The following COL18A1 variants were observed in gnomAD, a reference collection of about 807,000 sequenced individuals.
The protein encoded by COL18A1 is collagen alpha-1(XVIII) chain.
A neutral mutation model predicts 168.0 loss-of-function variants in COL18A1; 133 were observed. The ratio of observed to expected loss-of-function variants is 0.79; its 90% CI spans 0.69 to 0.91. The LOEUF (loss-of-function observed/expected upper bound fraction) is 0.91. COL18A1 is among the 40% of genes least tolerant of loss of function. The pLI, the probability that COL18A1 is intolerant of heterozygous loss-of-function variation, is 0.00. For synonymous variants in COL18A1, 949 were observed against 809.0 expected, an observed-to-expected ratio of 1.17 and a Z score of -2.94; for missense variants, 2,126 against 1,925.4, an observed-to-expected ratio of 1.10 and a Z score of -1.95.
At chr21:45,490,465 C>A in intron 20 of COL18A1, 119 bp downstream of exon 20, 1 of 871,826 alleles carries the variant, frequency 1.1e-6, no homozygotes, top group South Asian at 1.5e-5. Context: ...CATGTGCCCT[C>A]GTGGGTCCCT....
intron 41 of COL18A1, 56 bp from the exon 42 acceptor site, chr21:45,512,132 C>T: frequency 6.4e-7 from 1 of 1,561,960 alleles, no homozygotes; most frequent in Non-Finnish European, 8.7e-7. Context: ...GGGGAGCGGC[C>T]TCTGCCCTAA....
chr21:45,499,505 T>A (rs6518248), intron 32 of COL18A1, among the ~76,000 whole-genome samples: 3 of 42,578 alleles, frequency 7.0e-5, no homozygotes, highest in Admixed American at 4.8e-4. Flanking sequence ...CTCAGGAACC[T>A]GTGTGGGCTG....
At chr21:45,437,247 C>T (rs1288605936) in intron 2 of COL18A1, among the ~76,000 whole-genome samples, 1 of 56,094 alleles carries the variant, frequency 1.8e-5, no homozygotes, top group Non-Finnish European at 3.3e-5. Context: ...CTCTCCTGTA[C>T]ACACACACAC....
In COL18A1 at chr21:45,479,930, G is replaced by A. The variant is rs760195945; in HGVS notation, c.1277G>A (p.Gly426Glu). Residue 426 changes from glycine to glutamate, a missense_variant, in exon 10 of 42, where the codon GGG becomes GAG. By Grantham distance (98) the Gly-to-Glu change is moderately conservative. Transcript: ENST00000651438. ...PGDTGPQGFPGTPGDVGPKGD... is the reference protein window; with the variant it reads ...PGDTGPQGFPETPGDVGPKGD... Reference sequence around the variant, plus strand: ...GACACCGGGCCACAAGGCTTCCCCGGGACTCCAGGGGACGTAGGTCCCAAG... The same window carrying A: ...GACACCGGGCCACAAGGCTTCCCCGAGACTCCAGGGGACGTAGGTCCCAAG... 6.2e-7 allele frequency: 1 copy of A among 1,613,828 alleles called. No homozygotes were observed. The highest frequency in any genetic ancestry group is 8.5e-7 in the Non-Finnish European group (1 of 1,179,956).
At chr21:45,493,087 CGGG>C in intron 24 of COL18A1, 73 bp from the exon 25 acceptor site, 3 of 1,412,978 alleles carry the variant, frequency 2.1e-6, no homozygotes, top group South Asian at 2.5e-5. Context: ...GGGCAGCTGT[CGGG>C]GGAGATGGAG....
chr21:45,439,961 G>A (rs2034324114), intron 2 of COL18A1, among the ~76,000 whole-genome samples: 1 of 152,238 alleles, frequency 6.6e-6, no homozygotes, highest in African/African-American at 2.4e-5. Context: ...GAAATCTCGG[G>A]CTGCGCGCTG....
chr21:45,511,079 C>CCA (rs752924412), intron 40 of COL18A1, 32 bp from the exon 41 acceptor site: 69 of 1,034,784 alleles, frequency 6.7e-5, no homozygotes, highest in South Asian at 1.1e-4. Context: ...CCCCCACACA[C>CCA]CACACACACA....
In COL18A1 at chr21:45,484,727, A is replaced by G. The variant is rs139415527; in HGVS notation, c.1701+1906A>G. 6.9e-3 allele frequency among the ~76,000 whole-genome samples: 1,058 copies of G among 152,284 alleles called. 7 individuals are homozygous for G. The highest frequency in any genetic ancestry group is 0.01 in the Non-Finnish European group (709 of 68,024). On this transcript the variant is annotated intron_variant, in intron 15 of 41. Transcript: ENST00000651438. ...AGCACACATGCACACACATCTCTCT[A>G]GCATATGTACACACACATGTATTTG...
At chr21:45,413,340 AG>A (rs2033352916) in intron 2 of COL18A1, among the ~76,000 whole-genome samples, 1 of 152,270 alleles carries the variant, frequency 6.6e-6, no homozygotes, top group African/African-American at 2.4e-5. Flanking sequence ...TCCGCAGGCC[AG>A]GGCGCCTGCA....
rs1441846665 is a variant in COL18A1 at position 45,498,486 on chromosome 21, G to T, written c.2683+825G>T. ...GCCACGGTCCCCGCTCGCCGCCAGG[G>T]TCCCCTCTCGCTGCCAGGGTCCTCT... On this transcript the variant is annotated intron_variant, in intron 32 of 41. Coordinates refer to ENST00000651438, the MANE Select transcript of COL18A1 (RefSeq NM_001379500.1). This position sits in a 1 kb window ranked among gnomAD's most constrained non-coding sequence, Gnocchi z 4.5. 2 of 714,930 alleles carry T rather than the reference G, an allele frequency of 2.8e-6. No individual in the cohort carries two copies. The highest frequency in any genetic ancestry group is 3.0e-5 in the South Asian group (2 of 67,504). 44.3% of individuals were successfully genotyped at this position (714,930 alleles called of 1,614,324 possible).
chr21:45,475,555 C>T lies in COL18A1; in HGVS notation c.798+20C>T, dbSNP rs1026578235. On this transcript the variant is annotated intron_variant, in intron 5 of 41. Transcript: ENST00000651438. ...GAGACGGTGAGTAGCCGGACGGGGC[C>T]CAGCCCACGCTGCAGGGTCCCGGGA... 6.3e-7 allele frequency: 1 copy of T among 1,596,866 alleles called. No homozygotes were observed.
intron 37 of COL18A1, chr21:45,506,211 T>C (rs767824445): frequency 1.5e-5 from 8 of 546,882 alleles, no homozygotes; most frequent in Non-Finnish European, 2.6e-5. Context: ...GGGCTCCTGG[T>C]GGGTCATGTC....
At chr21:45,504,721 C>T (rs895383387) in intron 34 of COL18A1, among the ~76,000 whole-genome samples, 165 bp downstream of exon 34, 11 of 152,016 alleles carry the variant, frequency 7.2e-5, no homozygotes, top group African/African-American at 2.7e-4. Context: ...CAGCAGGCCA[C>T]ATGGGTGTGG....
Position 45,505,182 on chromosome 21 carries a change from C to G in COL18A1, c.2917C>G (p.Gln973Glu), listed in dbSNP as rs2037117656. ...IRGQPGPPGP[Q>E]GPPGIGYEGR... Reference sequence around the variant, plus strand: ...GGGCCAGCCCGGCCCACCTGGACCTCAGGGACCCCCCGGCATCGGCTACGA... The same window carrying G: ...GGGCCAGCCCGGCCCACCTGGACCTGAGGGACCCCCCGGCATCGGCTACGA... Residue 973 changes from glutamine (Q) to glutamate (E), a missense_variant, in exon 35 of 42, where the codon CAG (glutamine) becomes GAG (glutamate). Coordinates refer to ENST00000651438, the MANE Select transcript of COL18A1 (RefSeq NM_001379500.1). 6.2e-7 allele frequency: 1 copy of G among 1,606,258 alleles called. No homozygotes were observed. The highest frequency in any genetic ancestry group is 8.5e-7 in the Non-Finnish European group (1 of 1,177,420).
rs555216590 is a variant in COL18A1, at chr21:45,497,139, G to A, written c.2620+47G>A. ...CTGGGGACACAGGCTCTGAAGGGAT[G>A]CTCCAGAGCCCCACCTTCCTTCCCG... On this transcript the variant is annotated intron_variant, in intron 31 of 41. Coordinates refer to ENST00000651438, the MANE Select transcript of COL18A1 (RefSeq NM_001379500.1). 1.4e-4 allele frequency: 173 copies of A among 1,213,654 alleles called. No individual in the cohort carries two copies. In the South Asian group the frequency reaches 2.0e-3, roughly 14 times the overall value. 75.2% of individuals were successfully genotyped at this position (1,213,654 alleles called of 1,614,324 possible).
At chr21:45,472,515 C>T (rs1259186313) in intron 3 of COL18A1, among the ~76,000 whole-genome samples, 2 of 152,196 alleles carry the variant, frequency 1.3e-5, no homozygotes, top group Non-Finnish European at 2.9e-5. Context: ...CCGGCCGAAG[C>T]GCAGTTTTCT....
At position 45,490,341 on chromosome 21, in the gene COL18A1, C is replaced by T. The variant is rs1235590196; in HGVS notation, c.2026C>T (p.Pro676Ser). ...CCCTGGCAGAGAGGGCATTGCTGGG[C>T]CCCAGGTGAGTTGCCTTGGTGGGCC... ...GLPGREGIAG[P>S]QGPKGDRGSR... The change falls in exon 20 of 42, where the codon CCC becomes TCC. Residue 676 changes from proline (P) to serine (S), a missense_variant. Physicochemically the swap from Pro to Ser is moderately conservative, Grantham distance 74. Coordinates refer to ENST00000651438, the MANE Select transcript of COL18A1 (RefSeq NM_001379500.1). 8 of 1,577,370 alleles carry T rather than the reference C, an allele frequency of 5.1e-6. No individual in the cohort carries two copies. Among genetic ancestry groups the T allele is most frequent in the Non-Finnish European group, 6.9e-6 (8 of 1,162,028 alleles).
chr21:45,491,438 C>A, intron 22 of COL18A1, 124 bp downstream of exon 22: 1 of 684,706 alleles, frequency 1.5e-6, no homozygotes. Context: ...GACTGCCAGT[C>A]TACACTCCAC....
At position 45,438,116 on chromosome 21, in the gene COL18A1, ACAGG is replaced by A. The variant is rs143566558; in HGVS notation, c.107-30123_107-30120del. Among the ~76,000 whole-genome samples, 402 of 113,466 alleles carry A rather than the reference ACAGG, an allele frequency of 3.5e-3. 27 individuals are homozygous for A. Among genetic ancestry groups the A allele is most frequent in the African/African-American group, 0.015 (362 of 24,556 alleles). The allele number at this position is 113,466 out of a possible 152,430, so 74.4% of individuals were successfully genotyped here. A position where few individuals can be genotyped will look rare whatever the true frequency, so the allele number is the denominator to read the frequency against. On this transcript the variant is annotated intron_variant, in intron 2 of 41. Coordinates refer to ENST00000651438, the MANE Select transcript of COL18A1 (RefSeq NM_001379500.1). Reference sequence around the variant, plus strand: ...CACACTCACACTCACACTCAGACACACAGGCACTCTCCTGCACACACACACTCAC... The same window carrying A: ...CACACTCACACTCACACTCAGACACACACTCTCCTGCACACACACACTCAC...
Sources: gnomAD v4.1 joint callset for allele counts (sites outside exome capture counted in the v4.1 genomes callset) on GRCh38, gnomAD v4.1.1 for gene constraint, Gnocchi (gnomAD v3.1) non-coding constraint, MANE v1.5 for transcripts, NCBI Gene and HGNC (gene_info 2026-07-23, HGNC 2026-07-21) for gene names.